Variants in SCHIP1 observed in about 807,000 individuals in gnomAD.
SCHIP1 encodes schwannomin interacting protein 1.
A neutral mutation model predicts 29.7 loss-of-function variants in SCHIP1; 8 were observed. The ratio of observed to expected loss-of-function variants is 0.27; its 90% CI spans 0.16 to 0.49. The LOEUF (loss-of-function observed/expected upper bound fraction) is 0.49. SCHIP1 is among the 20% of genes least tolerant of loss of function. SCHIP1 has a pLI of 0.99. For synonymous variants in SCHIP1, 76 were observed against 94.9 expected, an observed-to-expected ratio of 0.80 and a Z score of 1.16; for missense variants, 193 against 294.6, an observed-to-expected ratio of 0.66 and a Z score of 2.52.
At chr3:159,375,121 A>G in the SCHIP1 span, among the ~76,000 whole-genome samples, 3 of 152,222 alleles carry the variant, frequency 2.0e-5, no homozygotes, top group Admixed American at 6.5e-5. Flanking sequence ...CATGGCTACC[A>G]TTGTATTTCC....
chr3:159,817,579 ACTAAAAAAAAAGAATACTTTCTT>A, the SCHIP1 span, among the ~76,000 whole-genome samples: 4 of 148,768 alleles, frequency 2.7e-5, no homozygotes, highest in Middle Eastern at 3.7e-3. Flanking sequence ...TTCATGGATT[ACTAAAAAAAAAGAATACTTTCTT>A]CTACTAATTA....
chr3:159,731,330 T>C, the SCHIP1 span, among the ~76,000 whole-genome samples: 1 of 152,202 alleles, frequency 6.6e-6, no homozygotes, highest in African/African-American at 2.4e-5. Context: ...ATTTGAATAT[T>C]ATCAGTAGAA....
the SCHIP1 span, among the ~76,000 whole-genome samples, chr3:159,378,237 C>A: frequency 2.0e-5 from 3 of 152,164 alleles, no homozygotes; most frequent in African/African-American, 7.2e-5. Flanking sequence ...ATTAGTGTGG[C>A]ATCAGTAATT....
chr3:159,413,462 G>A, the SCHIP1 span, among the ~76,000 whole-genome samples: 1 of 152,116 alleles, frequency 6.6e-6, no homozygotes, highest in Non-Finnish European at 1.5e-5. Context: ...TAATCTCTCA[G>A]AGTTGAAGAT....
the SCHIP1 span, chr3:159,274,919 T>G: frequency 1.1e-6 from 1 of 916,198 alleles, no homozygotes; most frequent in Non-Finnish European, 1.3e-6. Context: ...CAGTAGTAAA[T>G]GCAATTTACT....
At chr3:159,431,307 G>T in the SCHIP1 span, among the ~76,000 whole-genome samples, 1,548 of 151,984 alleles carry the variant, frequency 0.01, 37 homozygotes, top group African/African-American at 0.035. Flanking sequence ...TGTGGTGGGG[G>T]AGTGCTCAAA....
At chr3:159,582,849 T>G in the SCHIP1 span, among the ~76,000 whole-genome samples, 7 of 151,028 alleles carry the variant, frequency 4.6e-5, no homozygotes. Flanking sequence ...TCTTAACTCA[T>G]GGAAATTAAT....
chr3:159,695,880 T>C, the SCHIP1 span, among the ~76,000 whole-genome samples: 1 of 152,260 alleles, frequency 6.6e-6, no homozygotes, highest in East Asian at 1.9e-4. Context: ...CTAACCTTCC[T>C]CATCCACTCC....
rs897449815 is a variant in SCHIP1 at position 159,861,585 on chromosome 3, C to A, written c.31-4578C>A. Among the ~76,000 whole-genome samples the A allele has an allele frequency of 1.3e-5, 2 of 152,164 alleles. No individual in the cohort carries two copies. Among genetic ancestry groups the A allele is most frequent in the African/African-American group, 4.8e-5 (2 of 41,444 alleles). On this transcript the variant is annotated intron_variant, in intron 1 of 6. Coordinates refer to ENST00000445224, the Ensembl canonical transcript of SCHIP1. The surrounding 1 kb of genome is among the most constrained non-coding windows in gnomAD (Gnocchi z 4.1). ...CGGGTGGCAGTAGGGAATTTAGCAACAGATGAGGACAAAAACTTCCTGGGG... is the reference window on the plus strand; with the variant it reads ...CGGGTGGCAGTAGGGAATTTAGCAAAAGATGAGGACAAAAACTTCCTGGGG...
intron 2 of SCHIP1, among the ~76,000 whole-genome samples, chr3:159,871,197 A>G (rs1282861093): frequency 1.3e-5 from 2 of 152,058 alleles, no homozygotes; most frequent in Non-Finnish European, 2.9e-5. Context: ...ATAACTAAGT[A>G]TAAGACACTA....
At chr3:159,490,139 T>C in the SCHIP1 span, among the ~76,000 whole-genome samples, 1 of 152,342 alleles carries the variant, frequency 6.6e-6, no homozygotes, top group East Asian at 1.9e-4. Flanking sequence ...ATAAAGTACA[T>C]GTGAGTAGTT....
chr3:159,459,693 C>T, the SCHIP1 span, among the ~76,000 whole-genome samples: 7 of 152,258 alleles, frequency 4.6e-5, no homozygotes, highest in South Asian at 1.4e-3. Flanking sequence ...AGAATTATTG[C>T]TGATCCTAGG....
chr3:159,819,947 G>T, the SCHIP1 span, among the ~76,000 whole-genome samples: 1 of 152,188 alleles, frequency 6.6e-6, no homozygotes. Context: ...ATTCCTGCAT[G>T]ATATTCCTAG....
the SCHIP1 span, among the ~76,000 whole-genome samples, chr3:159,575,278 A>G: frequency 6.6e-6 from 1 of 152,192 alleles, no homozygotes; most frequent in Admixed American, 6.5e-5. Context: ...TATATTTGTT[A>G]TAATTTTTAT....
At chr3:159,792,337 TA>T in the SCHIP1 span, among the ~76,000 whole-genome samples, 1 of 152,168 alleles carries the variant, frequency 6.6e-6, no homozygotes, top group African/African-American at 2.4e-5. Context: ...TTCTACCGCC[TA>T]AGAGTCTCAC....
At chr3:159,644,867 A>G in the SCHIP1 span, among the ~76,000 whole-genome samples, 1 of 152,060 alleles carries the variant, frequency 6.6e-6, no homozygotes. Context: ...AATTTGGGGG[A>G]ATAAAAACTA....
chr3:159,582,252 C>A, the SCHIP1 span, among the ~76,000 whole-genome samples: 7 of 152,204 alleles, frequency 4.6e-5, no homozygotes, highest in East Asian at 7.7e-4. Context: ...CTCACTACAG[C>A]CTCAGTCTTC....
At chr3:159,605,767 T>A in the SCHIP1 span, among the ~76,000 whole-genome samples, 1 of 152,158 alleles carries the variant, frequency 6.6e-6, no homozygotes, top group Admixed American at 6.5e-5. Flanking sequence ...GGATAACAAT[T>A]CTTGTCAACT....
chr3:159,492,900 C>G, the SCHIP1 span, among the ~76,000 whole-genome samples: 1 of 152,206 alleles, frequency 6.6e-6, no homozygotes, highest in Non-Finnish European at 1.5e-5. Context: ...AACAGCTGAT[C>G]TCTCAGCAGA....
Sources: allele counts gnomAD v4.1 joint callset (sites outside exome capture counted in the v4.1 genomes callset), GRCh38; gene constraint gnomAD v4.1.1; non-coding constraint Gnocchi (gnomAD v3.1); transcripts MANE v1.5; gene names NCBI Gene and HGNC (gene_info 2026-07-23, HGNC 2026-07-21).